NFIL3: variants seen among roughly 807,000 people sequenced by gnomAD.
NFIL3 encodes nuclear factor, interleukin 3 regulated.
Under a neutral mutation model 10.0 loss-of-function variants are expected in NFIL3, and 5 were observed. That is an observed-to-expected ratio of 0.50 (90% CI 0.26 to 1.06). NFIL3 has a LOEUF of 1.06. NFIL3 is among the 50% of genes least tolerant of loss of function. The probability of loss-of-function intolerance (pLI) is 0.13; values close to 1 mark genes in which losing one functional copy is unlikely to be tolerated. For synonymous variants in NFIL3, 202 were observed against 206.5 expected (o/e 0.98, Z 0.19); for missense variants, 436 against 547.6 (o/e 0.80, Z 2.03).
the NFIL3 span, among the ~76,000 whole-genome samples, chr9:91,481,791 C>T: frequency 6.6e-6 from 1 of 151,898 alleles, no homozygotes; most frequent in South Asian, 2.1e-4. Flanking sequence ...ACATCTATAA[C>T]ACAATAAAAT....
At chr9:91,429,740 T>C in the NFIL3 span, among the ~76,000 whole-genome samples, 1 of 152,018 alleles carries the variant, frequency 6.6e-6, no homozygotes, top group Non-Finnish European at 1.5e-5. Flanking sequence ...TCTCAGGCGG[T>C]GCATGTAGGT....
At chr9:91,413,248 T>G (rs1336184306) in intron 1 of NFIL3, among the ~76,000 whole-genome samples, 1 of 149,782 alleles carries the variant, frequency 6.7e-6, no homozygotes, top group Non-Finnish European at 1.5e-5. Flanking sequence ...TTAAACAATA[T>G]TATTTCCTTT....
chr9:91,428,159 T>C (rs1423476439), upstream of NFIL3, among the ~76,000 whole-genome samples: 1 of 152,238 alleles, frequency 6.6e-6, no homozygotes, highest in African/African-American at 2.4e-5. Flanking sequence ...TTTTAATCTT[T>C]CACCTCTGTC....
At chr9:91,468,448 G>T in the NFIL3 span, among the ~76,000 whole-genome samples, 125 of 152,096 alleles carry the variant, frequency 8.2e-4, no homozygotes, top group Non-Finnish European at 1.0e-3. Context: ...CCCTTTGTCC[G>T]ATGAGTAGAT....
chr9:91,450,848 A>G, the NFIL3 span, among the ~76,000 whole-genome samples: 1 of 152,144 alleles, frequency 6.6e-6, no homozygotes, highest in Non-Finnish European at 1.5e-5. Context: ...TTCTCCCTTC[A>G]ATTTTGTAAA....
At chr9:91,473,293 C>T in the NFIL3 span, among the ~76,000 whole-genome samples, 6 of 152,262 alleles carry the variant, frequency 3.9e-5, no homozygotes, top group Admixed American at 2.0e-4. Context: ...TTTTGTTCAG[C>T]TATGCCCTGC....
At chr9:91,436,622 A>AACAACAAC in the NFIL3 span, among the ~76,000 whole-genome samples, 213 of 131,780 alleles carry the variant, frequency 1.6e-3, 1 homozygote, top group South Asian at 3.7e-3. Context: ...ACAACAACAA[A>AACAACAAC]GAGTTGAAGG....
At chr9:91,440,915 G>A in the NFIL3 span, among the ~76,000 whole-genome samples, 1 of 152,166 alleles carries the variant, frequency 6.6e-6, no homozygotes, top group Non-Finnish European at 1.5e-5. Context: ...GTTGTTTTGT[G>A]GCCTAACATA....
intron 1 of NFIL3, among the ~76,000 whole-genome samples, chr9:91,418,253 A>C (rs1833695793): frequency 6.6e-6 from 1 of 152,234 alleles, no homozygotes; most frequent in South Asian, 2.1e-4. Flanking sequence ...TAATTTTTTA[A>C]AAATCTATAG....
chr9:91,470,720 TC>T, the NFIL3 span, among the ~76,000 whole-genome samples: 1 of 152,180 alleles, frequency 6.6e-6, no homozygotes, highest in Non-Finnish European at 1.5e-5. Context: ...GTATGTTGTG[TC>T]TTTGTTCTCA....
At chr9:91,414,685 C>T (rs1833618313) in intron 1 of NFIL3, among the ~76,000 whole-genome samples, 1 of 152,232 alleles carries the variant, frequency 6.6e-6, no homozygotes, top group African/African-American at 2.4e-5. Context: ...CAAATCACCA[C>T]ACTATCTTAG....
At chr9:91,469,943 T>C in the NFIL3 span, among the ~76,000 whole-genome samples, 2 of 152,218 alleles carry the variant, frequency 1.3e-5, no homozygotes, top group African/African-American at 4.8e-5. Flanking sequence ...CAGTATTTTA[T>C]TGAGGATTTT....
chr9:91,436,181 A>G, the NFIL3 span, among the ~76,000 whole-genome samples: 24 of 152,212 alleles, frequency 1.6e-4, no homozygotes, highest in Non-Finnish European at 1.5e-5. Flanking sequence ...TGCTACCAGA[A>G]AGAAAGCTCC....
the NFIL3 span, among the ~76,000 whole-genome samples, chr9:91,461,003 G>A: frequency 7.9e-5 from 12 of 152,148 alleles, no homozygotes; most frequent in South Asian, 4.1e-4. Flanking sequence ...TGAGTAAGAC[G>A]CTTTTGTCAT....
chr9:91,417,803 C>G (rs561894341), intron 1 of NFIL3, among the ~76,000 whole-genome samples: 1 of 152,218 alleles, frequency 6.6e-6, no homozygotes, highest in Non-Finnish European at 1.5e-5. Flanking sequence ...GCAAGACGCA[C>G]ACACACACAT....
chr9:91,413,543 G>A (rs1340700526), intron 1 of NFIL3, among the ~76,000 whole-genome samples: 4 of 152,088 alleles, frequency 2.6e-5, no homozygotes, highest in Admixed American at 6.6e-5. Context: ...GAGCCACCAC[G>A]CCCGGCCAAC....
chr9:91,456,778 A>G, the NFIL3 span, among the ~76,000 whole-genome samples: 1 of 152,116 alleles, frequency 6.6e-6, no homozygotes, highest in East Asian at 1.9e-4. Flanking sequence ...CTATCACATG[A>G]TGACAAGGTT....
chr9:91,477,892 T>A, the NFIL3 span, among the ~76,000 whole-genome samples: 18 of 152,210 alleles, frequency 1.2e-4, no homozygotes, highest in African/African-American at 4.3e-4. Flanking sequence ...GGATTTTATT[T>A]CTGCTTTGCT....
the NFIL3 span, among the ~76,000 whole-genome samples, chr9:91,460,810 T>C: frequency 2.6e-5 from 4 of 152,324 alleles, no homozygotes; most frequent in Admixed American, 2.6e-4. Flanking sequence ...GCATGGCATA[T>C]GGGGTAAGTG....
Sources: allele counts gnomAD v4.1 joint callset (sites outside exome capture counted in the v4.1 genomes callset), GRCh38; gene constraint gnomAD v4.1.1; transcripts MANE v1.5; gene names NCBI Gene and HGNC (gene_info 2026-07-23, HGNC 2026-07-21).